Variants in RNF144A observed in about 807,000 individuals in gnomAD.
RNF144A encodes ring finger protein 144A.
In RNF144A, 11 loss-of-function variants were observed where a neutral mutation model predicts 38.7. The ratio of observed to expected loss-of-function variants is 0.28; its 90% CI spans 0.18 to 0.47. The LOEUF is 0.47. Ranked by LOEUF, RNF144A falls within the 20% of genes least tolerant of loss-of-function variation. The pLI is 0.99. For missense variants in RNF144A, 316 were observed against 377.2 expected (o/e 0.84, Z 1.34); for synonymous variants, 149 against 143.9 (o/e 1.04, Z -0.25).
chr2:6,975,440 A>G (rs1298880539), intron 2 of RNF144A, among the ~76,000 whole-genome samples: 8 of 152,208 alleles, frequency 5.3e-5, no homozygotes, highest in Admixed American at 5.2e-4. Context: ...TTAAAGGTAT[A>G]TATTGAGAAT....
chr2:7,031,075 G>C (rs1457965877), intron 8 of RNF144A, among the ~76,000 whole-genome samples: 1 of 152,068 alleles, frequency 6.6e-6, no homozygotes, highest in South Asian at 2.1e-4. Context: ...ACAGATGAAG[G>C]TTTGCTCGTT....
At chr2:7,035,996 C>G (rs575021620) in intron 8 of RNF144A, among the ~76,000 whole-genome samples, 227 of 152,296 alleles carry the variant, frequency 1.5e-3, no homozygotes, top group Non-Finnish European at 2.8e-3. Flanking sequence ...AGAGTGGCCG[C>G]GAATGCAAGA....
intron 2 of RNF144A, among the ~76,000 whole-genome samples, chr2:6,975,860 T>C (rs1264152453): frequency 2.0e-5 from 3 of 152,218 alleles, no homozygotes; most frequent in Non-Finnish European, 4.4e-5. Flanking sequence ...CCATGCAGTG[T>C]TTATGTGAAT....
chr2:7,040,843 TC>T lies in RNF144A; in HGVS notation c.*1085del. ...TGAGAAATCATATATCTTACACAGT[TC>T]CAAGTCCTGTTGCTAACCGTTTTGC... On this transcript the variant is annotated 3_prime_UTR_variant, in exon 9 of 9. Transcript: ENST00000320892. 1 of 985,460 alleles carries T rather than the reference TC, an allele frequency of 1.0e-6. No individual in the cohort carries two copies. The highest frequency in any genetic ancestry group is 1.2e-6 in the Non-Finnish European group (1 of 829,928). The allele number at this position is 985,460 out of a possible 1,614,324, so 61.0% of individuals were successfully genotyped here. A position where few individuals can be genotyped will look rare whatever the true frequency, so the allele number is the denominator to read the frequency against.
intron 2 of RNF144A, among the ~76,000 whole-genome samples, chr2:6,963,809 G>A (rs1409359195): frequency 7.9e-5 from 12 of 152,240 alleles, no homozygotes; most frequent in African/African-American, 2.6e-4. Context: ...TGAATTTAAC[G>A]TAGTCCCTCC....
chr2:6,939,301 T>C (rs755867488), intron 1 of RNF144A, among the ~76,000 whole-genome samples: 2 of 152,214 alleles, frequency 1.3e-5, no homozygotes, highest in Non-Finnish European at 2.9e-5. Context: ...TGGCATCTCA[T>C]TGGAGTTTCG....
intron 7 of RNF144A, among the ~76,000 whole-genome samples, chr2:7,027,658 G>GCGGCTTC (rs1412760514): frequency 6.6e-6 from 1 of 152,196 alleles, no homozygotes; most frequent in Non-Finnish European, 1.5e-5. Context: ...CTCCCTGATT[G>GCGGCTTC]CGGCTTCCCG....
In RNF144A at chr2:6,941,057, G is replaced by A. The variant is rs1034460388; in HGVS notation, c.-102G>A. 1 of 152,232 alleles carries A rather than the reference G, an allele frequency of 6.6e-6. No homozygotes were observed. Among genetic ancestry groups the A allele is most frequent in the African/African-American group, 2.4e-5 (1 of 41,434 alleles). The allele number at this position is 152,232 out of a possible 1,614,324, so 9.4% of individuals were successfully genotyped here. A position where few individuals can be genotyped will look rare whatever the true frequency, so the allele number is the denominator to read the frequency against. ...TTCTCCCTATGGGTGCCTGACCTGA[G>A]GGCAGAGACATCTGAGTGTGTATAA... On this transcript the variant is annotated 5_prime_UTR_variant, in exon 2 of 9. Transcript: ENST00000320892. This position sits in a 1 kb window ranked among gnomAD's most constrained non-coding sequence, Gnocchi z 6.5.
At chr2:7,015,565 A>T (rs1187147354) in intron 5 of RNF144A, among the ~76,000 whole-genome samples, 2 of 152,222 alleles carry the variant, frequency 1.3e-5, no homozygotes, top group African/African-American at 4.8e-5. Flanking sequence ...CAAAGCATTA[A>T]GCCATGTGGA....
chr2:7,052,102 C>T (rs913007234), intron 6 of RNF144A, among the ~76,000 whole-genome samples: 2 of 152,114 alleles, frequency 1.3e-5, no homozygotes, highest in African/African-American at 4.8e-5. Flanking sequence ...GAGAGAGGAA[C>T]TCATAAGTTA....
At chr2:7,003,236 G>T (rs998420550) in intron 3 of RNF144A, among the ~76,000 whole-genome samples, 5 of 152,140 alleles carry the variant, frequency 3.3e-5, no homozygotes, top group Non-Finnish European at 7.4e-5. Flanking sequence ...ATTGAAGAAT[G>T]GAGTTTTTAT....
intron 6 of RNF144A, among the ~76,000 whole-genome samples, chr2:7,055,517 C>G (rs1425828905): frequency 6.6e-6 from 1 of 152,212 alleles, no homozygotes; most frequent in African/African-American, 2.4e-5. Flanking sequence ...ACTCACACAT[C>G]TAATCTTTCA....
In RNF144A at chr2:6,941,679, GAC is replaced by G. The variant is rs1665991019; in HGVS notation, c.-12+533_-12+534del. On this transcript the variant is annotated intron_variant, in intron 2 of 8. Coordinates refer to ENST00000320892, the MANE Select transcript of RNF144A (RefSeq NM_014746.6). This position sits in a 1 kb window ranked among gnomAD's most constrained non-coding sequence, Gnocchi z 6.5. ...GATATTGTAGAGAAAAGAAAAAGTA[GAC>G]CATGTCTAGTACGACGGGGCAGGTT... Among the ~76,000 whole-genome samples, 1 of 152,268 alleles carries G rather than the reference GAC, an allele frequency of 6.6e-6. No homozygotes were observed. Among genetic ancestry groups the G allele is most frequent in the Admixed American group, 6.5e-5 (1 of 15,290 alleles).
At chr2:6,965,271 G>A (rs1185362534) in intron 2 of RNF144A, among the ~76,000 whole-genome samples, 1 of 152,170 alleles carries the variant, frequency 6.6e-6, no homozygotes, top group Non-Finnish European at 1.5e-5. Context: ...AATAGGACAC[G>A]ATCTCAGCTC....
intron 1 of RNF144A, among the ~76,000 whole-genome samples, chr2:6,934,157 C>G (rs1665396117): frequency 6.6e-6 from 1 of 152,200 alleles, no homozygotes; most frequent in African/African-American, 2.4e-5. Flanking sequence ...TCTCCACATT[C>G]AACAGTATTG....
At chr2:6,996,129 T>C (rs1669721135) in intron 2 of RNF144A, among the ~76,000 whole-genome samples, 2 of 152,214 alleles carry the variant, frequency 1.3e-5, no homozygotes, top group Non-Finnish European at 2.9e-5. Flanking sequence ...CATTTCTTCC[T>C]TCTGTTGGAC....
chr2:7,019,482 G>A (rs3771962), intron 5 of RNF144A, among the ~76,000 whole-genome samples: 20,553 of 152,184 alleles, frequency 0.14, 2,175 homozygotes, highest in East Asian at 0.56. Flanking sequence ...CTTTCAAGTC[G>A]TCTCTGAAAC....
intron 2 of RNF144A, among the ~76,000 whole-genome samples, chr2:6,942,979 C>CA (rs1165796521): frequency 6.6e-6 from 1 of 152,114 alleles, no homozygotes; most frequent in Non-Finnish European, 1.5e-5. Flanking sequence ...AGCGAGACTC[C>CA]ATCTCAATTT....
intron 2 of RNF144A, among the ~76,000 whole-genome samples, chr2:6,985,625 T>C (rs771261): frequency 0.79 from 119,574 of 152,066 alleles, 47,882 homozygotes; most frequent in Non-Finnish European, 0.85. Flanking sequence ...GTGTAGCATG[T>C]GCTCTGAAGT....
Sources: gnomAD v4.1 joint callset for allele counts (sites outside exome capture counted in the v4.1 genomes callset) on GRCh38, gnomAD v4.1.1 for gene constraint, Gnocchi (gnomAD v3.1) non-coding constraint, MANE v1.5 for transcripts, NCBI Gene and HGNC (gene_info 2026-07-23, HGNC 2026-07-21) for gene names.